Variants in TXNRD1 observed in about 807,000 individuals in gnomAD.
The protein encoded by TXNRD1 is thioredoxin reductase 1, also known as thioredoxin reductase 1, cytoplasmic.
In TXNRD1, 57 loss-of-function variants were observed where a neutral mutation model predicts 80.3. The observed-to-expected ratio is 0.71, with a 90% CI of 0.57 to 0.89. The LOEUF is 0.89. Among genes scored for constraint, TXNRD1 ranks in the 40% least tolerant of loss-of-function variants. TXNRD1 has a pLI of 0.00. For synonymous variants in TXNRD1, 291 were observed against 285.2 expected (o/e 1.02, Z -0.20); for missense variants, 730 against 803.0 (o/e 0.91, Z 1.10).
At chr12:104,217,875 T>C (rs534853172) in intron 1 of TXNRD1, among the ~76,000 whole-genome samples, 2 of 152,156 alleles carry the variant, frequency 1.3e-5, no homozygotes, top group South Asian at 4.1e-4. Context: ...CTTAGCATAC[T>C]TGTCTTCGAG....
At position 104,266,566 on chromosome 12, in the gene TXNRD1, C is replaced by A. The variant is rs367831918; in HGVS notation, c.304+8487C>A. ...AAAATTAGTTGGCTGGGCGTGGCGGCTCACGACTGTAATCCCAGCACTTTG... is the reference window on the plus strand; with the variant it reads ...AAAATTAGTTGGCTGGGCGTGGCGGATCACGACTGTAATCCCAGCACTTTG... On this transcript the variant is annotated intron_variant, in intron 3 of 16. Transcript: ENST00000525566. Among the ~76,000 whole-genome samples the A allele has an allele frequency of 1.4e-3, 205 of 150,452 alleles. 3 individuals carry two copies. Among genetic ancestry groups the A allele is most frequent in the South Asian group, 8.0e-3 (38 of 4,748 alleles).
intron 4 of TXNRD1, among the ~76,000 whole-genome samples, chr12:104,297,452 G>T (rs778174836): frequency 2.1e-4 from 32 of 151,770 alleles, no homozygotes; most frequent in African/African-American, 7.5e-4. Context: ...TGCAATCTCC[G>T]CCTCCTGAGT....
At chr12:104,323,710 G>A (rs1031448669) in intron 10 of TXNRD1, among the ~76,000 whole-genome samples, 2 of 133,282 alleles carry the variant, frequency 1.5e-5, no homozygotes, top group African/African-American at 5.8e-5. Context: ...CGGACGGGGC[G>A]GCTGGCCGGG....
chr12:104,337,802 T>C (rs1388905876), intron 15 of TXNRD1, among the ~76,000 whole-genome samples: 1 of 151,902 alleles, frequency 6.6e-6, no homozygotes, highest in Non-Finnish European at 1.5e-5. Context: ...ATTTTATTTT[T>C]TAGAGACAGG....
intron 3 of TXNRD1, chr12:104,276,539 C>A (rs1337361640): frequency 2.0e-5 from 3 of 152,212 alleles, no homozygotes; most frequent in Non-Finnish European, 4.4e-5. Context: ...CTCCCCACCA[C>A]CACTCAGAAC....
intron 16 of TXNRD1, among the ~76,000 whole-genome samples, chr12:104,347,588 T>C (rs936970558): frequency 6.6e-6 from 1 of 152,184 alleles, no homozygotes; most frequent in Non-Finnish European, 1.5e-5. Flanking sequence ...GCAGTTGTAC[T>C]CCAGCTCTGT....
intron 1 of TXNRD1, 47 bp from the exon 2 acceptor site, chr12:104,251,480 A>C (rs1223062452): frequency 6.3e-7 from 1 of 1,583,504 alleles, no homozygotes; most frequent in Non-Finnish European, 8.6e-7. Flanking sequence ...ATGCATCATC[A>C]TGTTTTCCTT....
At chr12:104,266,011 A>G (rs570380083) in intron 3 of TXNRD1, among the ~76,000 whole-genome samples, 2 of 151,200 alleles carry the variant, frequency 1.3e-5, no homozygotes, top group East Asian at 3.9e-4. Flanking sequence ...TTATTTGCCT[A>G]TTGGAGAGGT....
intron 2 of TXNRD1, among the ~76,000 whole-genome samples, chr12:104,257,446 G>A (rs190953306): frequency 1.6e-4 from 20 of 122,394 alleles, no homozygotes; most frequent in Admixed American, 1.5e-3. Context: ...TTACTCTGTC[G>A]CCCAGGCTGG....
At chr12:104,249,555 T>C (rs1378524487) in intron 1 of TXNRD1, among the ~76,000 whole-genome samples, 1 of 152,188 alleles carries the variant, frequency 6.6e-6, no homozygotes, top group Non-Finnish European at 1.5e-5. Flanking sequence ...TTTAAAAATT[T>C]CTTAAATTAA....
intron 2 of TXNRD1, among the ~76,000 whole-genome samples, chr12:104,252,864 C>T (rs911720203): frequency 3.3e-5 from 5 of 150,574 alleles, no homozygotes; most frequent in African/African-American, 4.9e-5. Context: ...CACCACACCC[C>T]GCTAATTTTT....
intron 7 of TXNRD1, among the ~76,000 whole-genome samples, chr12:104,316,949 A>G (rs932851124): frequency 8.5e-5 from 13 of 152,158 alleles, no homozygotes; most frequent in African/African-American, 3.1e-4. Flanking sequence ...GCATAAATGT[A>G]TACTTGGAAA....
chr12:104,289,048 A>G lies in TXNRD1; in HGVS notation c.414+8A>G. The G allele has an allele frequency of 1.9e-6, 3 of 1,610,206 alleles. 1 individual carries two copies. The South Asian group carries it at 3.3e-5, about 18-fold the overall frequency. On this transcript the variant is annotated splice_region_variant and intron_variant, in intron 4 of 16. Coordinates refer to ENST00000525566, the MANE Select transcript of TXNRD1 (RefSeq NM_001093771.3). ...CATGGTCCAACCTTGAAGGTAGGAGAGAGTAACGTATCTTTTTAAACGGGG... is the reference window on the plus strand; with the variant it reads ...CATGGTCCAACCTTGAAGGTAGGAGGGAGTAACGTATCTTTTTAAACGGGG...
chr12:104,278,495 A>G lies in TXNRD1; in HGVS notation c.305-10436A>G, dbSNP rs577488874. Among the ~76,000 whole-genome samples the G allele has an allele frequency of 5.0e-3, 558 of 111,284 alleles. 3 individuals are homozygous for G. Among genetic ancestry groups the G allele is most frequent in the African/African-American group, 0.019 (514 of 27,204 alleles). The allele number at this position is 111,284 out of a possible 152,430, so 73.0% of individuals were successfully genotyped here. A position where few individuals can be genotyped will look rare whatever the true frequency, so the allele number is the denominator to read the frequency against. On this transcript the variant is annotated intron_variant, in intron 3 of 16. Transcript: ENST00000525566. ...ATTACAGGCTTGAGCCATTGCGCCC[A>G]GCCTAATTTTTTTTTTTTTTTTTTG...
chr12:104,321,638 A>G (rs1278261686), intron 10 of TXNRD1, among the ~76,000 whole-genome samples: 1 of 152,138 alleles, frequency 6.6e-6, no homozygotes, highest in East Asian at 1.9e-4. Context: ...CATATGTACC[A>G]GAGATTTAAA....
At chr12:104,328,701 G>A (rs375953678) in intron 13 of TXNRD1, among the ~76,000 whole-genome samples, 123 of 148,712 alleles carry the variant, frequency 8.3e-4, no homozygotes, top group East Asian at 5.7e-3. Context: ...GGAGCTTGCC[G>A]TGAGCCGAGA....
intron 1 of TXNRD1, among the ~76,000 whole-genome samples, chr12:104,251,235 T>A (rs768936649): frequency 1.2e-4 from 19 of 152,194 alleles, no homozygotes; most frequent in Non-Finnish European, 2.2e-4. Flanking sequence ...TCCAACCTGT[T>A]ACTTATTTTC....
intron 3 of TXNRD1, among the ~76,000 whole-genome samples, chr12:104,269,016 T>C (rs932835904): frequency 8.6e-5 from 13 of 150,826 alleles, no homozygotes; most frequent in Admixed American, 3.3e-4. Flanking sequence ...GTGATTCTCC[T>C]GCCTCAGCCT....
chr12:104,233,800 G>T (rs1383747049), intron 1 of TXNRD1, among the ~76,000 whole-genome samples: 1 of 152,164 alleles, frequency 6.6e-6, no homozygotes, highest in African/African-American at 2.4e-5. Flanking sequence ...GGGATTACAG[G>T]TGTGAGCCAC....
Sources: gnomAD v4.1 joint callset for allele counts (sites outside exome capture counted in the v4.1 genomes callset) on GRCh38, gnomAD v4.1.1 for gene constraint, MANE v1.5 for transcripts, NCBI Gene and HGNC (gene_info 2026-07-23, HGNC 2026-07-21) for gene names.